CDH18: variants seen among roughly 807,000 people sequenced by gnomAD.
CDH18 encodes the protein cadherin-18.
In CDH18, 31 loss-of-function variants were observed where a neutral mutation model predicts 67.9. The ratio of observed to expected loss-of-function variants is 0.46; its 90% confidence interval spans 0.34 to 0.62. The LOEUF (loss-of-function observed/expected upper bound fraction) is 0.62. CDH18 is among the 20% of genes least tolerant of loss of function. The pLI, the probability that CDH18 is intolerant of heterozygous loss-of-function variation, is 0.01. For synonymous variants in CDH18, 362 were observed against 347.2 expected, an observed-to-expected ratio of 1.04 and a Z score of -0.48; for missense variants, 890 against 975.5, an observed-to-expected ratio of 0.91 and a Z score of 1.17.
At chr5:20,543,075 A>C (rs1414157456) in intron 1 of CDH18, among the ~76,000 whole-genome samples, 1 of 152,056 alleles carries the variant, frequency 6.6e-6, no homozygotes, top group Non-Finnish European at 1.5e-5. Flanking sequence ...AATTGTTTTA[A>C]TAAATGGCTT....
chr5:19,951,377 C>T (rs1579762407), intron 2 of CDH18, among the ~76,000 whole-genome samples: 1 of 152,096 alleles, frequency 6.6e-6, no homozygotes, highest in Non-Finnish European at 1.5e-5. Context: ...GGTTATCTAA[C>T]AAGCTTTAGT....
At chr5:20,057,705 G>T (rs1310573146) in intron 2 of CDH18, among the ~76,000 whole-genome samples, 1 of 152,160 alleles carries the variant, frequency 6.6e-6, no homozygotes, top group East Asian at 1.9e-4. Context: ...GTCAACTGCA[G>T]TTTCTACTCT....
At chr5:20,425,572 T>C (rs1480848930) in intron 1 of CDH18, among the ~76,000 whole-genome samples, 1 of 151,026 alleles carries the variant, frequency 6.6e-6, no homozygotes, top group Non-Finnish European at 1.5e-5. Flanking sequence ...GATAGTTCCA[T>C]ATAACACATA....
intron 3 of CDH18, among the ~76,000 whole-genome samples, chr5:19,796,264 C>A (rs541110308): frequency 1.3e-5 from 2 of 152,094 alleles, no homozygotes; most frequent in Admixed American, 1.3e-4. Context: ...AAATCCACAA[C>A]AAGATTTAAC....
chr5:20,240,951 A>G (rs1742848672), intron 2 of CDH18, among the ~76,000 whole-genome samples: 1 of 152,232 alleles, frequency 6.6e-6, no homozygotes, highest in African/African-American at 2.4e-5. Flanking sequence ...AGAGTTACAG[A>G]CAGATTTATA....
intron 1 of CDH18, among the ~76,000 whole-genome samples, chr5:20,494,386 C>G (rs1026630803): frequency 2.0e-5 from 3 of 151,928 alleles, no homozygotes; most frequent in African/African-American, 7.3e-5. Context: ...AAAATGTAAA[C>G]TTCAAGAGGG....
intron 2 of CDH18, among the ~76,000 whole-genome samples, chr5:20,201,136 T>A (rs527831819): frequency 4.0e-4 from 61 of 152,090 alleles, no homozygotes; most frequent in African/African-American, 1.2e-3. Flanking sequence ...TTTCCTTGCC[T>A]ATTGTAACTT....
At chr5:19,731,822 G>T (rs1417217793) in intron 4 of CDH18, among the ~76,000 whole-genome samples, 1 of 152,102 alleles carries the variant, frequency 6.6e-6, no homozygotes, top group Non-Finnish European at 1.5e-5. Flanking sequence ...CTGCATGGTG[G>T]CTCACACTTG....
chr5:19,784,554 T>G (rs1216918457), intron 3 of CDH18, among the ~76,000 whole-genome samples: 1 of 152,222 alleles, frequency 6.6e-6, no homozygotes, highest in Non-Finnish European at 1.5e-5. Context: ...CTTGAAATTT[T>G]TTATGCATTC....
intron 2 of CDH18, among the ~76,000 whole-genome samples, chr5:20,201,264 C>T (rs1396440727): frequency 6.6e-6 from 1 of 151,982 alleles, no homozygotes; most frequent in Non-Finnish European, 1.5e-5. Flanking sequence ...ATTTTCTCTT[C>T]TTCTTCTAAG....
At chr5:20,077,072 C>G (rs112101082) in intron 2 of CDH18, among the ~76,000 whole-genome samples, 1 of 152,172 alleles carries the variant, frequency 6.6e-6, no homozygotes, top group African/African-American at 2.4e-5. Context: ...GCCCTTGAAA[C>G]TGATGTTGAC....
intron 3 of CDH18, among the ~76,000 whole-genome samples, chr5:19,772,514 AC>A (rs1773847371): frequency 6.6e-6 from 1 of 152,172 alleles, no homozygotes; most frequent in Admixed American, 6.5e-5. Flanking sequence ...CTGAAAAAAA[AC>A]AGAATCTCCT....
chr5:19,480,470 C>T lies in CDH18; in HGVS notation c.1882+2831G>A, dbSNP rs1266285596. Among the ~76,000 whole-genome samples, 7 of 151,618 alleles carry T rather than the reference C, an allele frequency of 4.6e-5. No homozygotes were observed. In the South Asian group the frequency reaches 6.2e-4, roughly 14 times the overall value. ...CAGCTCCACTGCAAGCTCCGCCTCCCGGGCTCACGCCATTCTCCTGCCTCA... is the reference window on the plus strand; with the variant it reads ...CAGCTCCACTGCAAGCTCCGCCTCCTGGGCTCACGCCATTCTCCTGCCTCA... On this transcript the variant is annotated intron_variant, in intron 12 of 12. Coordinates refer to ENST00000382275, the MANE Select transcript of CDH18 (RefSeq NM_004934.5).
rs77170729 is a variant in CDH18 at position 20,292,758 on chromosome 5, A to G, written c.-579-37253T>C. Among the ~76,000 whole-genome samples the G allele has an allele frequency of 3.8e-4, 58 of 152,148 alleles. 2 individuals are homozygous for G. In the East Asian group the frequency reaches 8.5e-3, roughly 22 times the overall value. ...AAGCGTCACTCTGTTCTCTGCCTCA[A>G]TCATCACATGGCATTCTTCTTCCTA... On this transcript the variant is annotated intron_variant, in intron 1 of 14. Transcript: ENST00000507958.
chr5:20,557,992 AC>A (rs1758004381), intron 1 of CDH18, among the ~76,000 whole-genome samples: 1 of 135,948 alleles, frequency 7.4e-6, no homozygotes, highest in Non-Finnish European at 1.6e-5. Context: ...TAGTTATATA[AC>A]ATTAAATGTT....
At chr5:19,817,670 G>A (rs1237506506) in intron 3 of CDH18, among the ~76,000 whole-genome samples, 2 of 151,990 alleles carry the variant, frequency 1.3e-5, no homozygotes, top group East Asian at 3.9e-4. Context: ...TACAACATTT[G>A]ATCATTCTAC....
intron 5 of CDH18, among the ~76,000 whole-genome samples, chr5:19,621,282 T>C (rs995181952): frequency 3.3e-5 from 5 of 150,806 alleles, no homozygotes; most frequent in African/African-American, 4.9e-5. Flanking sequence ...TATTTCTTAA[T>C]ATTGTGTTGA....
chr5:20,157,002 A>G lies in CDH18; in HGVS notation c.-518+98442T>C, dbSNP rs574189292. Among the ~76,000 whole-genome samples, 26 of 152,248 alleles carry G rather than the reference A, an allele frequency of 1.7e-4. No individual in the cohort carries two copies. The South Asian group carries it at 4.6e-3, about 27-fold the overall frequency. ...ATGGAGGCTAGTTCCAACCCTGTAT[A>G]TAATCGTTTTTTGACCTGAGAACTG... On this transcript the variant is annotated intron_variant, in intron 2 of 14. Transcript: ENST00000507958.
chr5:20,412,741 T>C (rs772753493), intron 1 of CDH18, among the ~76,000 whole-genome samples: 4 of 152,156 alleles, frequency 2.6e-5, no homozygotes, highest in Non-Finnish European at 4.4e-5. Context: ...ATGCTCAACA[T>C]CACTAACCAT....
Sources: allele counts gnomAD v4.1 joint callset (sites outside exome capture counted in the v4.1 genomes callset), GRCh38; gene constraint gnomAD v4.1.1; transcripts MANE v1.5; gene names NCBI Gene and HGNC (gene_info 2026-07-23, HGNC 2026-07-21).